The following RAD51B variants were observed in gnomAD, a reference collection of about 807,000 sequenced individuals.
The protein encoded by RAD51B is DNA repair protein RAD51 homolog 2.
Under a neutral mutation model 42.2 loss-of-function variants are expected in RAD51B, and 38 were observed. That is an observed-to-expected ratio of 0.90 (90% CI 0.70 to 1.18). RAD51B has a LOEUF of 1.18. RAD51B is among the 50% of genes most tolerant of loss of function. The probability of loss-of-function intolerance (pLI) is 0.00; values close to 1 mark genes in which losing one functional copy is unlikely to be tolerated. For missense variants in RAD51B, 373 were observed against 400.7 expected (o/e 0.93, Z 0.59); for synonymous variants, 154 against 145.2 (o/e 1.06, Z -0.43).
At chr14:67,960,528 A>C (rs1406386777) in intron 7 of RAD51B, among the ~76,000 whole-genome samples, 1 of 152,226 alleles carries the variant, frequency 6.6e-6, no homozygotes, top group Non-Finnish European at 1.5e-5. Flanking sequence ...GATAGCATCA[A>C]CATGAGTTTA....
intron 10 of RAD51B, among the ~76,000 whole-genome samples, chr14:68,516,872 G>T (rs1223771472): frequency 6.6e-6 from 1 of 152,234 alleles, no homozygotes; most frequent in Non-Finnish European, 1.5e-5. Context: ...ACCTCTGTAA[G>T]TGTTGGGAAG....
intron 7 of RAD51B, among the ~76,000 whole-genome samples, chr14:68,280,014 C>G (rs1329093208): frequency 6.6e-6 from 1 of 152,182 alleles, no homozygotes; most frequent in Non-Finnish European, 1.5e-5. Context: ...TATGTGACAA[C>G]CAATCTTCTG....
At chr14:68,185,192 C>T (rs1453232212) in intron 7 of RAD51B, among the ~76,000 whole-genome samples, 2 of 152,148 alleles carry the variant, frequency 1.3e-5, no homozygotes, top group Admixed American at 6.5e-5. Context: ...GCCCCACTAC[C>T]TCATAGGGTT....
At chr14:68,231,207 T>C (rs2080142425) in intron 7 of RAD51B, among the ~76,000 whole-genome samples, 1 of 152,066 alleles carries the variant, frequency 6.6e-6, no homozygotes, top group Admixed American at 6.6e-5. Flanking sequence ...TTCTTAAATA[T>C]TTTCCTTCAT....
At chr14:68,669,667 A>G (rs1043024562) in intron 11 of RAD51B, among the ~76,000 whole-genome samples, 13 of 142,138 alleles carry the variant, frequency 9.1e-5, no homozygotes, top group African/African-American at 3.2e-4. Context: ...CACACTCCCC[A>G]CCCCCATTGC....
At chr14:68,436,429 A>G (rs1249243829) in intron 9 of RAD51B, among the ~76,000 whole-genome samples, 1 of 152,136 alleles carries the variant, frequency 6.6e-6, no homozygotes, top group Non-Finnish European at 1.5e-5. Context: ...GTAGCATTAT[A>G]GTATAGTTTA....
chr14:68,206,814 G>C (rs2079598732), intron 7 of RAD51B, among the ~76,000 whole-genome samples: 1 of 145,278 alleles, frequency 6.9e-6, no homozygotes, highest in African/African-American at 2.5e-5. Context: ...TTTTGAGACG[G>C]AGTCTCACTC....
At chr14:67,897,643 C>T (rs2043466743) in intron 7 of RAD51B, among the ~76,000 whole-genome samples, 1 of 150,402 alleles carries the variant, frequency 6.6e-6, no homozygotes, top group Non-Finnish European at 1.5e-5. Context: ...AAAGAGAACC[C>T]TTGTTCACTT....
At chr14:68,570,893 A>ACACG (rs757792054) in intron 10 of RAD51B, among the ~76,000 whole-genome samples, 1 of 110,228 alleles carries the variant, frequency 9.1e-6, no homozygotes, top group Non-Finnish European at 2.2e-5. Context: ...ACACACACAC[A>ACACG]CACATGCACA....
chr14:68,386,724 G>A (rs896626786), intron 8 of RAD51B, among the ~76,000 whole-genome samples: 1 of 152,132 alleles, frequency 6.6e-6, no homozygotes, highest in African/African-American at 2.4e-5. Flanking sequence ...CCTCCTAATG[G>A]CATTCAGTAC....
chr14:68,208,414 A>T (rs1294630265), intron 7 of RAD51B, among the ~76,000 whole-genome samples: 1 of 152,180 alleles, frequency 6.6e-6, no homozygotes, highest in East Asian at 1.9e-4. Flanking sequence ...TCCAAACCAA[A>T]TCTTTGCCCA....
chr14:68,375,931 G>A (rs1405350660), intron 8 of RAD51B, among the ~76,000 whole-genome samples: 1 of 151,978 alleles, frequency 6.6e-6, no homozygotes, highest in East Asian at 1.9e-4. Context: ...TACACAAGAG[G>A]CTTCTGGAAT....
At chr14:68,260,516 T>G (rs1168828779) in intron 7 of RAD51B, among the ~76,000 whole-genome samples, 1 of 152,062 alleles carries the variant, frequency 6.6e-6, no homozygotes, top group Non-Finnish European at 1.5e-5. Context: ...TGGTTAGGTT[T>G]GATGAAGCAT....
intron 7 of RAD51B, among the ~76,000 whole-genome samples, chr14:67,965,814 G>A (rs2074763643): frequency 6.6e-6 from 1 of 151,984 alleles, no homozygotes; most frequent in African/African-American, 2.4e-5. Context: ...GAGGAACTGA[G>A]GAAGCCAAGA....
chr14:67,961,245 A>G (rs867750054), intron 7 of RAD51B, among the ~76,000 whole-genome samples: 3 of 152,110 alleles, frequency 2.0e-5, no homozygotes, highest in Non-Finnish European at 4.4e-5. Context: ...GGCTCAAGCA[A>G]TTCTCCTACC....
chr14:68,497,660 C>T, intron 10 of RAD51B: 1 of 494,482 alleles, frequency 2.0e-6, no homozygotes, highest in Non-Finnish European at 2.8e-6. Context: ...AAGCAAGACC[C>T]ATAACCATTA....
intron 10 of RAD51B, among the ~76,000 whole-genome samples, chr14:68,508,385 A>T (rs1885489735): frequency 6.6e-6 from 1 of 152,102 alleles, no homozygotes; most frequent in Non-Finnish European, 1.5e-5. Flanking sequence ...AGGAACGGGG[A>T]CCTGGGGACA....
chr14:68,545,118 A>G (rs1888153456), intron 10 of RAD51B, among the ~76,000 whole-genome samples: 1 of 152,216 alleles, frequency 6.6e-6, no homozygotes, highest in Admixed American at 6.5e-5. Context: ...CATGATCTAG[A>G]TGAGTTTCTG....
chr14:68,549,897 T>A lies in RAD51B; in HGVS notation c.1037-44588T>A, dbSNP rs915780396. On this transcript the variant is annotated intron_variant, in intron 10 of 10. Coordinates refer to the RAD51B transcript ENST00000487270. ...ACAAGGCAGCCTCTTAAAACTTCGG[T>A]CAGCTCTGACCGTTGTCTAATAATT... is the stretch of plus-strand genomic sequence containing the variant. Among the ~76,000 whole-genome samples the A allele has an allele frequency of 3.9e-5, 6 of 152,312 alleles. No individual in the cohort carries two copies. In the East Asian group the frequency reaches 9.7e-4, roughly 25 times the overall value.
Sources: gnomAD v4.1 joint callset for allele counts (sites outside exome capture counted in the v4.1 genomes callset) on GRCh38, gnomAD v4.1.1 for gene constraint, MANE v1.5 for transcripts, NCBI Gene and HGNC (gene_info 2026-07-23, HGNC 2026-07-21) for gene names.